The following FAM76A variants were observed in gnomAD, a reference collection of about 807,000 sequenced individuals.
The protein encoded by FAM76A is family with sequence similarity 76 member A, also known as protein FAM76A.
A neutral mutation model predicts 46.2 loss-of-function variants in FAM76A; 32 were observed. The observed-to-expected ratio is 0.69, with a 90% confidence interval of 0.52 to 0.93. FAM76A has a LOEUF of 0.93. FAM76A is among the 40% of genes least tolerant of loss of function. The probability of loss-of-function intolerance (pLI) is 0.00; values close to 1 mark genes in which losing one functional copy is unlikely to be tolerated. For missense variants in FAM76A, 274 were observed against 361.5 expected, an observed-to-expected ratio of 0.76 and a Z score of 1.96; for synonymous variants, 137 against 127.0, an observed-to-expected ratio of 1.08 and a Z score of -0.53.
In FAM76A at chr1:27,749,061, T is replaced by C. The variant is rs750624276; in HGVS notation, c.513-7T>C. 5.7e-6 allele frequency: 9 copies of C among 1,582,148 alleles called. No homozygotes were observed. The highest frequency in any genetic ancestry group is 7.7e-6 in the Non-Finnish European group (9 of 1,168,134). On this transcript the variant is annotated splice_region_variant and splice_polypyrimidine_tract_variant and intron_variant, in intron 5 of 8. Transcript: ENST00000373954. ...AATGTGTGTCTCTCTATTTTTGCCATTAAAAGCCAGAAAACACTTTCTACA... is the reference window on the plus strand; with the variant it reads ...AATGTGTGTCTCTCTATTTTTGCCACTAAAAGCCAGAAAACACTTTCTACA...
At chr1:27,736,911 GC>G (rs1295758557) in intron 4 of FAM76A, among the ~76,000 whole-genome samples, 2 of 152,086 alleles carry the variant, frequency 1.3e-5, no homozygotes, top group African/African-American at 2.4e-5. Context: ...ACAGATGTGA[GC>G]CACCACGTCT....
At chr1:27,736,060 G>T (rs1557777006) in intron 4 of FAM76A, among the ~76,000 whole-genome samples, 1 of 152,128 alleles carries the variant, frequency 6.6e-6, no homozygotes, top group Non-Finnish European at 1.5e-5. Context: ...GGTGGCTTGT[G>T]CCTGTAATCC....
intron 4 of FAM76A, among the ~76,000 whole-genome samples, chr1:27,734,598 T>G (rs1225908488): frequency 6.6e-6 from 1 of 152,208 alleles, no homozygotes; most frequent in African/African-American, 2.4e-5. Flanking sequence ...TTTCTCAGTT[T>G]CTTTCCTGGT....
At chr1:27,760,176 T>A in intron 8 of FAM76A, 2 of 363,628 alleles carry the variant, frequency 5.5e-6, no homozygotes, top group Non-Finnish European at 1.1e-5. Context: ...ATAAACCAGA[T>A]GTGATTCCAG....
chr1:27,748,126 T>G (rs1000959494), intron 5 of FAM76A, among the ~76,000 whole-genome samples: 45 of 139,906 alleles, frequency 3.2e-4, no homozygotes, highest in South Asian at 4.8e-4. Flanking sequence ...AGAAGTTTTT[T>G]TTTTTTTTTT....
At chr1:27,747,302 T>C (rs2088256638) in intron 5 of FAM76A, among the ~76,000 whole-genome samples, 2 of 152,198 alleles carry the variant, frequency 1.3e-5, no homozygotes, top group African/African-American at 4.8e-5. Context: ...AGAATGGAAC[T>C]CTACAAGCAT....
At chr1:27,754,349 G>A (rs886855369) in intron 6 of FAM76A, among the ~76,000 whole-genome samples, 2 of 151,966 alleles carry the variant, frequency 1.3e-5, no homozygotes, top group African/African-American at 2.4e-5. Flanking sequence ...CAGGTGATCC[G>A]CCTGCCTTGG....
At chr1:27,751,551 C>T (rs1393754909) in intron 6 of FAM76A, among the ~76,000 whole-genome samples, 1 of 149,698 alleles carries the variant, frequency 6.7e-6, no homozygotes, top group African/African-American at 2.5e-5. Context: ...GTTGCCCAGG[C>T]TGGAATGCAG....
At chr1:27,757,106 A>G (rs543801564) in intron 7 of FAM76A, among the ~76,000 whole-genome samples, 1 of 151,892 alleles carries the variant, frequency 6.6e-6, no homozygotes, top group Admixed American at 6.6e-5. Context: ...TAATATTATA[A>G]TAATAATAGC....
chr1:27,746,611 C>G (rs1048046149), intron 5 of FAM76A, among the ~76,000 whole-genome samples: 4 of 152,242 alleles, frequency 2.6e-5, no homozygotes, highest in South Asian at 2.1e-4. Flanking sequence ...CCTGTAATCC[C>G]AGCTACTCAG....
At chr1:27,730,486 TAG>T (rs2087939374) in intron 2 of FAM76A, among the ~76,000 whole-genome samples, 1 of 152,142 alleles carries the variant, frequency 6.6e-6, no homozygotes, top group Non-Finnish European at 1.5e-5. Flanking sequence ...GCGCCCAGCC[TAG>T]AGTTAGTTTT....
At chr1:27,757,524 C>T (rs977959769) in intron 7 of FAM76A, among the ~76,000 whole-genome samples, 3 of 152,134 alleles carry the variant, frequency 2.0e-5, no homozygotes, top group Non-Finnish European at 4.4e-5. Context: ...TGTGGCACCA[C>T]AGCCAGCTAA....
chr1:27,754,621 T>C (rs1364286941), intron 6 of FAM76A, among the ~76,000 whole-genome samples: 5 of 152,168 alleles, frequency 3.3e-5, no homozygotes, highest in African/African-American at 9.7e-5. Flanking sequence ...CCATTTGTAG[T>C]GTAGGGGAAG....
intron 7 of FAM76A, among the ~76,000 whole-genome samples, chr1:27,757,288 G>A (rs920788484): frequency 1.4e-5 from 2 of 146,856 alleles, no homozygotes; most frequent in Non-Finnish European, 3.0e-5. Flanking sequence ...TGACTCCTGG[G>A]TTTAAGTGAT....
intron 5 of FAM76A, among the ~76,000 whole-genome samples, chr1:27,745,637 G>A (rs1398390859): frequency 6.6e-5 from 10 of 152,134 alleles, no homozygotes; most frequent in Non-Finnish European, 1.5e-5. Flanking sequence ...AATGTAACGG[G>A]TACCACAGTG....
At chr1:27,726,920 T>C (rs959267456) in intron 1 of FAM76A, among the ~76,000 whole-genome samples, 1 of 152,194 alleles carries the variant, frequency 6.6e-6, no homozygotes, top group Non-Finnish European at 1.5e-5. Context: ...TGAAGAATAA[T>C]GTTGAGGTTA....
intron 8 of FAM76A, 45 bp downstream of exon 8, chr1:27,759,672 C>T (rs1356338417): frequency 1.6e-6 from 2 of 1,230,008 alleles, no homozygotes; most frequent in Non-Finnish European, 1.2e-6. Context: ...GTGTACCTAC[C>T]TGGTATACCT....
At chr1:27,744,114 T>C (rs2088199879) in intron 4 of FAM76A, among the ~76,000 whole-genome samples, 1 of 151,988 alleles carries the variant, frequency 6.6e-6, no homozygotes, top group Non-Finnish European at 1.5e-5. Flanking sequence ...GCAGCTGAAA[T>C]TTATTTATTT....
At chr1:27,748,227 G>A (rs1039451184) in intron 5 of FAM76A, among the ~76,000 whole-genome samples, 3 of 140,832 alleles carry the variant, frequency 2.1e-5, no homozygotes, top group Admixed American at 7.7e-5. Context: ...CCGGGTTCAC[G>A]CCATTCTCCT....
Sources: gnomAD v4.1 joint callset for allele counts (sites outside exome capture counted in the v4.1 genomes callset) on GRCh38, gnomAD v4.1.1 for gene constraint, MANE v1.5 for transcripts, NCBI Gene and HGNC (gene_info 2026-07-23, HGNC 2026-07-21) for gene names.